Variants in PRDM10 observed in about 807,000 individuals in gnomAD.
PRDM10 encodes PR/SET domain 10.
In PRDM10, 65 loss-of-function variants were observed where a neutral mutation model predicts 133.1. The observed-to-expected ratio is 0.49, with a 90% CI of 0.40 to 0.60. The LOEUF is 0.60. Among genes scored for constraint, PRDM10 ranks in the 20% least tolerant of loss-of-function variants. PRDM10 has a pLI of 0.00. For synonymous variants in PRDM10, 582 were observed against 580.4 expected, an observed-to-expected ratio of 1.00 and a Z score of -0.04; for missense variants, 1,137 against 1,507.1, an observed-to-expected ratio of 0.75 and a Z score of 4.07.
chr11:129,908,943 T>C (rs1178698859), intron 19 of PRDM10, among the ~76,000 whole-genome samples: 1 of 151,408 alleles, frequency 6.6e-6, no homozygotes, highest in Non-Finnish European at 1.5e-5. Context: ...TTGGCCAGGC[T>C]GGTCTCAAAC....
intron 1 of PRDM10, among the ~76,000 whole-genome samples, chr11:130,000,042 A>ATTT (rs955648260): frequency 1.0e-3 from 140 of 138,626 alleles, no homozygotes; most frequent in African/African-American, 3.6e-3. Context: ...TCGCTTCTAA[A>ATTT]TTTTTTTTTT....
At chr11:129,963,049 T>A (rs544207172) in intron 1 of PRDM10, among the ~76,000 whole-genome samples, 2 of 151,378 alleles carry the variant, frequency 1.3e-5, no homozygotes, top group South Asian at 4.2e-4. Flanking sequence ...CTTGGGAGTC[T>A]GAGGTGGAAG....
At chr11:129,968,563 C>T (rs1276635214) in intron 1 of PRDM10, among the ~76,000 whole-genome samples, 1 of 152,090 alleles carries the variant, frequency 6.6e-6, no homozygotes, top group Non-Finnish European at 1.5e-5. Context: ...GTTGTTCTCT[C>T]TCTGATATTA....
chr11:129,939,484 T>C (rs562779315), intron 7 of PRDM10, among the ~76,000 whole-genome samples: 9 of 152,320 alleles, frequency 5.9e-5, no homozygotes, highest in African/African-American at 2.2e-4. Flanking sequence ...AAGGTGTATT[T>C]TTAAATATTT....
At chr11:129,920,128 C>T (rs2135766670) in intron 13 of PRDM10, among the ~76,000 whole-genome samples, 1 of 152,272 alleles carries the variant, frequency 6.6e-6, no homozygotes, top group South Asian at 2.1e-4. Flanking sequence ...TAAGCATCAA[C>T]ATTCACTAGT....
At chr11:129,963,387 A>AAG (rs879360517) in intron 1 of PRDM10, among the ~76,000 whole-genome samples, 6,636 of 96,532 alleles carry the variant, frequency 0.069, 558 homozygotes, top group African/African-American at 0.2. Context: ...AAAAAGAGAG[A>AAG]AGAGAAGAGA....
At chr11:130,001,021 C>A (rs907174835) in intron 1 of PRDM10, among the ~76,000 whole-genome samples, 1 of 152,122 alleles carries the variant, frequency 6.6e-6, no homozygotes, top group African/African-American at 2.4e-5. Flanking sequence ...GCAGGAGGAT[C>A]CCTTGAGCCC....
intron 7 of PRDM10, 70 bp from the exon 8 acceptor site, chr11:129,937,740 T>C: frequency 7.2e-7 from 1 of 1,381,150 alleles, no homozygotes; most frequent in Non-Finnish European, 1.0e-6. Context: ...TTAAATTATT[T>C]CTCCTGCTTA....
At chr11:129,955,389 G>A (rs1474482187) in intron 4 of PRDM10, 123 bp downstream of exon 4, 4 of 848,912 alleles carry the variant, frequency 4.7e-6, no homozygotes, top group Non-Finnish European at 5.4e-6. Flanking sequence ...AAAGGAGCTG[G>A]AGAACATTCT....
intron 1 of PRDM10, among the ~76,000 whole-genome samples, chr11:129,991,575 T>G (rs1185213178): frequency 6.6e-6 from 1 of 152,076 alleles, no homozygotes; most frequent in African/African-American, 2.4e-5. Flanking sequence ...TCCTAGCACT[T>G]TGGGAGGCCG....
intron 1 of PRDM10, among the ~76,000 whole-genome samples, chr11:130,001,824 T>C (rs557867568): frequency 2.3e-4 from 35 of 152,144 alleles, no homozygotes; most frequent in African/African-American, 8.2e-4. Context: ...GCCCTGCCTC[T>C]GCGCTGCACC....
rs558722583 is a variant in PRDM10 at position 129,965,880 on chromosome 11, A to G, written c.-118-4798T>C. ...AGACAAATCTGGGTTCTGAGCTCCC[A>G]AATCTTCCATGTACTTAGTTGGGGC... On this transcript the variant is annotated intron_variant, in intron 1 of 20. Coordinates refer to ENST00000360871, the MANE Select transcript of PRDM10 (RefSeq NM_199437.2). Among the ~76,000 whole-genome samples the G allele has an allele frequency of 2.0e-5, 3 of 152,252 alleles. No homozygotes were observed. In the South Asian group the frequency reaches 6.2e-4, roughly 32 times the overall value.
intron 3 of PRDM10, among the ~76,000 whole-genome samples, chr11:129,956,495 T>C (rs1199490717): frequency 1.3e-5 from 2 of 151,690 alleles, no homozygotes; most frequent in African/African-American, 4.8e-5. Flanking sequence ...ACCCGGGAGG[T>C]AGAGGTTGCA....
chr11:129,909,516 C>A (rs1950120010), intron 19 of PRDM10, among the ~76,000 whole-genome samples: 1 of 151,882 alleles, frequency 6.6e-6, no homozygotes, highest in East Asian at 1.9e-4. Flanking sequence ...GACTCCATAG[C>A]AAATCTATGT....
At chr11:129,962,410 C>G (rs999280099) in intron 1 of PRDM10, among the ~76,000 whole-genome samples, 1 of 152,204 alleles carries the variant, frequency 6.6e-6, no homozygotes. Context: ...CATCCAGGTG[C>G]CTGTTCCTGC....
chr11:129,972,425 T>A (rs916810254), intron 1 of PRDM10, among the ~76,000 whole-genome samples: 2 of 152,240 alleles, frequency 1.3e-5, no homozygotes, highest in Admixed American at 1.3e-4. Context: ...TTAACAAAAA[T>A]TTGTGAGACT....
chr11:129,919,992 G>A (rs140272719), intron 13 of PRDM10, among the ~76,000 whole-genome samples: 2 of 152,284 alleles, frequency 1.3e-5, no homozygotes, highest in East Asian at 3.9e-4. Flanking sequence ...GTAGGATTTG[G>A]ATTAAGGACA....
At chr11:129,917,320 G>A (rs1377392933) in intron 14 of PRDM10, 83 bp from the exon 15 acceptor site, 8 of 1,018,160 alleles carry the variant, frequency 7.9e-6, no homozygotes, top group Admixed American at 2.5e-5. Context: ...GATAATGACC[G>A]CCAGAAGCTG....
In PRDM10 at chr11:129,923,723, T is replaced by G. The variant is rs1950594304; in HGVS notation, c.1879-320A>C. Among the ~76,000 whole-genome samples the G allele has an allele frequency of 7.2e-6, 1 of 137,964 alleles. No homozygotes were observed. The highest frequency in any genetic ancestry group is 2.8e-5 in the African/African-American group (1 of 36,198). The allele number at this position is 137,964 out of a possible 152,430, so 90.5% of individuals were successfully genotyped here. A position where few individuals can be genotyped will look rare whatever the true frequency, so the allele number is the denominator to read the frequency against. On this transcript the variant is annotated intron_variant, in intron 12 of 20. Transcript: ENST00000360871. This position sits in a 1 kb window ranked among gnomAD's most constrained non-coding sequence, Gnocchi z 4.4. ...TTGCTTGGTCAAAGCCCTGATCACTTGAAGCCCATTTTTTAAAGATAAAAA... is the reference window on the plus strand; with the variant it reads ...TTGCTTGGTCAAAGCCCTGATCACTGGAAGCCCATTTTTTAAAGATAAAAA...
Sources: gnomAD v4.1 joint callset for allele counts (sites outside exome capture counted in the v4.1 genomes callset) on GRCh38, gnomAD v4.1.1 for gene constraint, Gnocchi (gnomAD v3.1) non-coding constraint, MANE v1.5 for transcripts, NCBI Gene and HGNC (gene_info 2026-07-23, HGNC 2026-07-21) for gene names.